The following ABCA1 variants were observed in gnomAD, a reference collection of about 807,000 sequenced individuals.
The protein encoded by ABCA1 is ATP binding cassette subfamily A member 1.
Under a neutral mutation model 262.5 loss-of-function variants are expected in ABCA1, and 133 were observed. That is an observed-to-expected ratio of 0.51 (90% CI 0.44 to 0.59). The LOEUF (loss-of-function observed/expected upper bound fraction) is 0.59. Ranked by LOEUF, ABCA1 falls within the 20% of genes least tolerant of loss-of-function variation. The pLI is 0.00. For missense variants in ABCA1, 2,452 were observed against 2,777.5 expected (o/e 0.88, Z 2.63); for synonymous variants, 1,022 against 1,043.5 (o/e 0.98, Z 0.40).
chr9:104,802,292 AG>A (rs72275993), intron 33 of ABCA1, 133 bp from the exon 34 acceptor site: 1 of 681,890 alleles, frequency 1.5e-6, no homozygotes, highest in Non-Finnish European at 2.5e-6. Flanking sequence ...TTTGCCTCAG[AG>A]AAGTTACACG....
chr9:104,861,629 C>G (rs1054892530), intron 6 of ABCA1, 50 bp downstream of exon 6: 1 of 1,612,866 alleles, frequency 6.2e-7, no homozygotes, highest in Admixed American at 1.7e-5. Flanking sequence ...AGTAGCTGCA[C>G]AACGTAATTG....
At position 104,819,682 on chromosome 9, in the gene ABCA1, C is replaced by A; in HGVS notation, c.3145G>T (p.Gly1049Trp). The A allele has an allele frequency of 6.2e-7, 1 of 1,614,188 alleles. No homozygotes were observed. The highest frequency in any genetic ancestry group is 2.2e-5 in the East Asian group (1 of 44,886). ...TCCAGAATGACAACCTTAGATCCCC[C>A]GACAAAGGCCAAGGCCACAGATAGC... ...RKLSVALAFV[G>W]GSKVVILDEP... Residue 1049 changes from glycine to tryptophan, a missense_variant, in exon 22 of 50, where the codon GGG becomes TGG. Gly to Trp is a radical substitution (Grantham distance 184). Around this residue, in one of 4 missense-constraint regions of ABCA1, gnomAD observed 665 missense variants for 727.3 expected, o/e 0.91. Transcript: ENST00000374736.
At chr9:104,818,904 G>A (rs1284373414) in intron 22 of ABCA1, 21 bp from the exon 23 acceptor site, 2 of 1,598,470 alleles carry the variant, frequency 1.3e-6, no homozygotes, top group East Asian at 2.2e-5. Flanking sequence ...CAAACACAAG[G>A]ATGTGGGACA....
chr9:104,821,479 CG>C lies in ABCA1; in HGVS notation c.2855del (p.Pro952ArgfsTer17). ...TMSILTGLFP[P>X]TSGTAYILGK... ...CCAGGATGTAGGCGGTGCCCGAGGT[CG>C]GGGGGAACAACCCGGTCAGGATTGA... On this transcript the variant is annotated frameshift_variant, in exon 20 of 50. Coordinates refer to ENST00000374736, the MANE Select transcript of ABCA1 (RefSeq NM_005502.4). LOFTEE classifies it high-confidence loss of function. 6.2e-7 allele frequency: 1 copy of C among 1,613,940 alleles called. No individual in the cohort carries two copies. The highest frequency in any genetic ancestry group is 8.5e-7 in the Non-Finnish European group (1 of 1,180,016).
At position 104,821,393 on chromosome 9, in the gene ABCA1, T is replaced by C. The variant is rs1164462211; in HGVS notation, c.2942A>G (p.His981Arg). 1.2e-6 allele frequency: 2 copies of C among 1,614,068 alleles called. No individual in the cohort carries two copies. The highest frequency in any genetic ancestry group is 2.2e-5 in the East Asian group (1 of 44,900). ...IRQNLGVCPQ[H>R]NVLFDMLTVE... ...TACTCACATGTCAAACAGCACGTTA[T>C]GCTGGGGACAGACCCCCAGGTTCTG... is the stretch of plus-strand genomic sequence containing the variant. The change falls in exon 20 of 50, where the codon CAT becomes CGT. Residue 981 changes from histidine (H) to arginine (R), a missense_variant. By Grantham distance (29) the His-to-Arg change is conservative. Coordinates refer to ENST00000374736, the MANE Select transcript of ABCA1 (RefSeq NM_005502.4).
intron 2 of ABCA1, among the ~76,000 whole-genome samples, chr9:104,901,617 G>A (rs531439061): frequency 6.6e-6 from 1 of 152,260 alleles, no homozygotes; most frequent in South Asian, 2.1e-4. Flanking sequence ...GATAACCACG[G>A]GAGGCAGGGA....
rs1392159335 is a variant in ABCA1 at position 104,783,809 on chromosome 9, C to T, written c.*506G>A. The stretch of plus-strand genomic sequence containing the variant: ...ATGGTGCTTCAAACTTTCTGAAAAA[C>T]TTGGCACTAATAACTCTGGCACACT... On this transcript the variant is annotated 3_prime_UTR_variant, in exon 50 of 50. Transcript: ENST00000374736. The T allele has an allele frequency of 6.1e-6, 1 of 162,746 alleles. No homozygotes were observed. Among genetic ancestry groups the T allele is most frequent in the Non-Finnish European group, 1.4e-5 (1 of 74,042 alleles). The allele number at this position is 162,746 out of a possible 1,614,324, so 10.1% of individuals were successfully genotyped here. A position where few individuals can be genotyped will look rare whatever the true frequency, so the allele number is the denominator to read the frequency against.
At chr9:104,878,505 G>A (rs1999429) in intron 5 of ABCA1, among the ~76,000 whole-genome samples, 1 of 152,084 alleles carries the variant, frequency 6.6e-6, no homozygotes. Context: ...CAGCAGGGGG[G>A]TTTAGCCGTG....
At position 104,795,936 on chromosome 9, in the gene ABCA1, C is replaced by T. The variant is rs1000570634; in HGVS notation, c.5382+117G>A. ...GGGAAGACAGACTCTGAAGACAGGACAAGGCAGTCAGCAGTGTCAATACCA... is the reference window on the plus strand; with the variant it reads ...GGGAAGACAGACTCTGAAGACAGGATAAGGCAGTCAGCAGTGTCAATACCA... On this transcript the variant is annotated intron_variant, in intron 39 of 49. Transcript: ENST00000374736. 3.5e-6 allele frequency: 5 copies of T among 1,414,186 alleles called. No individual in the cohort carries two copies. The South Asian group carries it at 4.6e-5, about 13-fold the overall frequency. 87.6% of individuals were successfully genotyped at this position (1,414,186 alleles called of 1,614,324 possible). A position where few individuals can be genotyped will look rare whatever the true frequency, so the allele number is the denominator to read the frequency against.
At position 104,831,101 on chromosome 9, in the gene ABCA1, C is replaced by T. The variant is rs143299210; in HGVS notation, c.1716G>A (p.Gly572=). The T allele has an allele frequency of 1.3e-4, 200 of 1,594,838 alleles. 2 individuals carry two copies. The Middle Eastern group carries it at 2.4e-3, about 19-fold the overall frequency. Residue 572 remains glycine (G), a splice_region_variant and synonymous_variant, in exon 14 of 50, where the codon GGG becomes GGA. Coordinates refer to ENST00000374736, the MANE Select transcript of ABCA1 (RefSeq NM_005502.4). ...CAGCTCGAGGACCAGGGTCCCAGTACCTAAAACCAAACCACAGGTAATCAA... is the reference window on the plus strand; with the variant it reads ...CAGCTCGAGGACCAGGGTCCCAGTATCTAAAACCAAACCACAGGTAATCAA... ...NVERTNKIKD[G]YWDPGPRADP... is the part of the protein sequence containing the mutation.
chr9:104,903,909 A>C (rs900541642), intron 1 of ABCA1, 138 bp from the exon 2 acceptor site: 8 of 597,898 alleles, frequency 1.3e-5, no homozygotes, highest in Non-Finnish European at 2.1e-5. Context: ...TCAATGGATC[A>C]TGAGTCACCA....
Position 104,915,977 on chromosome 9 carries a change from G to A in ABCA1, c.-93+11958C>T, listed in dbSNP as rs148596232. 6.6e-3 allele frequency among the ~76,000 whole-genome samples: 1,008 copies of A among 152,208 alleles called. 9 individuals are homozygous for A. The highest frequency in any genetic ancestry group is 9.3e-3 in the South Asian group (45 of 4,816). On this transcript the variant is annotated intron_variant, in intron 1 of 49. Transcript: ENST00000374736. Reference sequence around the variant, plus strand: ...TCCACTCTGCTTAATGGAAGCCACTGGAACCAAGTGTCAGACAGCCCTCTA... The same window carrying A: ...TCCACTCTGCTTAATGGAAGCCACTAGAACCAAGTGTCAGACAGCCCTCTA...
chr9:104,819,536 C>A (rs778654755), intron 22 of ABCA1, 50 bp downstream of exon 22: 4 of 1,611,272 alleles, frequency 2.5e-6, no homozygotes, highest in East Asian at 2.2e-5. Flanking sequence ...TCTCAAAAGC[C>A]CCCCGCTCTC....
intron 6 of ABCA1, chr9:104,861,299 C>A: frequency 2.9e-6 from 1 of 347,862 alleles, no homozygotes; most frequent in Non-Finnish European, 5.2e-6. Flanking sequence ...GTCTCCTGTC[C>A]TCAATTTTTT....
At chr9:104,869,339 C>A (rs933496666) in intron 5 of ABCA1, among the ~76,000 whole-genome samples, 1 of 152,112 alleles carries the variant, frequency 6.6e-6, no homozygotes, top group African/African-American at 2.4e-5. Context: ...GGCCTCCCAG[C>A]CTGCTAGGAG....
intron 1 of ABCA1, among the ~76,000 whole-genome samples, chr9:104,912,380 C>T (rs144797012): frequency 2.6e-5 from 4 of 152,300 alleles, no homozygotes; most frequent in African/African-American, 9.6e-5. Flanking sequence ...ACCTGGGCTA[C>T]AGTGCAAGAC....
rs752777276 is a variant in ABCA1, at chr9:104,840,304, A to G, written c.1029T>C (p.Ala343=). 17 of 1,614,122 alleles carry G rather than the reference A, an allele frequency of 1.1e-5. No individual in the cohort carries two copies. The Admixed American group carries it at 1.5e-4, about 14-fold the overall frequency. The change falls in exon 9 of 50, where the codon GCT becomes GCC. Residue 343 remains alanine (A), a synonymous_variant. Transcript: ENST00000374736. The part of the protein sequence containing the change: ...LFGGNGTEED[A]ETFYDNSTTP... ...TTGTAGAGTTGTCATAGAAGGTTTC[A>G]GCATCTTCCTCAGTGCCATTGCCTC...
intron 44 of ABCA1, among the ~76,000 whole-genome samples, chr9:104,789,718 T>G (rs1829242838): frequency 6.6e-6 from 1 of 152,170 alleles, no homozygotes; most frequent in Admixed American, 6.5e-5. Context: ...ACATACTAGG[T>G]TGAGATATAA....
chr9:104,903,484 A>G, intron 2 of ABCA1, 130 bp downstream of exon 2: 1 of 977,614 alleles, frequency 1.0e-6, no homozygotes, highest in Non-Finnish European at 1.6e-6. Context: ...TGTCCATAAG[A>G]GCCAGATTCC....
Sources: gnomAD v4.1 joint callset for allele counts (sites outside exome capture counted in the v4.1 genomes callset) on GRCh38, gnomAD v4.1.1 for gene constraint, gnomAD v4.1.1 regional missense constraint, MANE v1.5 for transcripts, NCBI Gene and HGNC (gene_info 2026-07-23, HGNC 2026-07-21) for gene names.